Variants in DAB2IP observed in about 807,000 individuals in gnomAD.
DAB2IP encodes disabled homolog 2-interacting protein.
A neutral mutation model predicts 107.2 loss-of-function variants in DAB2IP; 28 were observed. The ratio of observed to expected loss-of-function variants is 0.26; its 90% CI spans 0.19 to 0.36. The LOEUF is 0.36. Ranked by LOEUF, DAB2IP falls within the 10% of genes least tolerant of loss-of-function variation. The pLI, the probability that DAB2IP is intolerant of heterozygous loss-of-function variation, is 1.00. For synonymous variants in DAB2IP, 755 were observed against 706.4 expected (o/e 1.07, Z -1.09); for missense variants, 1,400 against 1,644.7 (o/e 0.85, Z 2.57).
At chr9:121,706,886 G>A (rs779824938) in intron 3 of DAB2IP, among the ~76,000 whole-genome samples, 1 of 152,176 alleles carries the variant, frequency 6.6e-6, no homozygotes, top group Non-Finnish European at 1.5e-5. Context: ...CCACAGGGGC[G>A]ATGGGGTGAA....
chr9:121,579,324 A>AC (rs142125450), intron 1 of DAB2IP, among the ~76,000 whole-genome samples: 1,772 of 148,218 alleles, frequency 0.012, 28 homozygotes, highest in African/African-American at 0.039. Context: ...TCTCTCTCCT[A>AC]CCCCCCCACC....
At chr9:121,694,268 G>A (rs1217524601) in intron 2 of DAB2IP, among the ~76,000 whole-genome samples, 7 of 152,110 alleles carry the variant, frequency 4.6e-5, no homozygotes, top group South Asian at 2.1e-4. Flanking sequence ...TCCCAGCTCT[G>A]CCACTTTCAG....
chr9:121,761,166 G>C (rs1015625313), intron 6 of DAB2IP, among the ~76,000 whole-genome samples: 1 of 152,228 alleles, frequency 6.6e-6, no homozygotes, highest in Non-Finnish European at 1.5e-5. Context: ...GGACAAATGG[G>C]CTCCTGGACC....
At chr9:121,706,089 G>T (rs1219973186) in intron 3 of DAB2IP, among the ~76,000 whole-genome samples, 3 of 152,204 alleles carry the variant, frequency 2.0e-5, no homozygotes, top group African/African-American at 7.2e-5. Flanking sequence ...CCCTTGTGAT[G>T]ATTGGCTGTA....
intron 1 of DAB2IP, among the ~76,000 whole-genome samples, chr9:121,572,859 G>A (rs1829980537): frequency 6.6e-6 from 1 of 152,236 alleles, no homozygotes; most frequent in South Asian, 2.1e-4. Flanking sequence ...TCATGGAGGT[G>A]GAGCAGGCAG....
At chr9:121,567,346 T>C in intron 1 of DAB2IP, 1 of 1,495,510 alleles carries the variant, frequency 6.7e-7, no homozygotes, top group Non-Finnish European at 9.2e-7. Context: ...CTGGGCACTG[T>C]CTGGTCTTGG....
chr9:121,751,163 TC>T, intron 3 of DAB2IP: 1 of 170,988 alleles, frequency 5.8e-6, no homozygotes, highest in Non-Finnish European at 1.2e-5. Context: ...TGTGGACCTT[TC>T]CCCCTGCCCG....
intron 3 of DAB2IP, among the ~76,000 whole-genome samples, chr9:121,716,190 G>A (rs1177304478): frequency 1.3e-5 from 2 of 152,208 alleles, no homozygotes; most frequent in African/African-American, 4.8e-5. Context: ...GAGGGTCACA[G>A]GCCTCCAAGG....
At chr9:121,583,947 G>T (rs866207094) in intron 1 of DAB2IP, among the ~76,000 whole-genome samples, 7 of 152,180 alleles carry the variant, frequency 4.6e-5, no homozygotes, top group Admixed American at 2.0e-4. Flanking sequence ...GGGAGGCTGA[G>T]GTGGGAGGAT....
At chr9:121,630,283 C>T (rs983532567) in intron 1 of DAB2IP, among the ~76,000 whole-genome samples, 4 of 152,062 alleles carry the variant, frequency 2.6e-5, no homozygotes, top group African/African-American at 4.8e-5. Flanking sequence ...AAAAATATTT[C>T]GGGAGGTGGA....
chr9:121,668,907 C>CT (rs377320590), intron 1 of DAB2IP, among the ~76,000 whole-genome samples: 17,985 of 71,736 alleles, frequency 0.25, 1,733 homozygotes, highest in East Asian at 0.29. Flanking sequence ...GTAAGCCTTA[C>CT]TTTTTTTTTT....
In DAB2IP at chr9:121,751,403, T is replaced by C. The variant is rs138114917; in HGVS notation, c.363-5610T>C. 2.9e-3 allele frequency: 443 copies of C among 153,058 alleles called. 1 individual carries two copies. The highest frequency in any genetic ancestry group is 5.7e-3 in the African/African-American group (238 of 41,574). 9.5% of individuals were successfully genotyped at this position (153,058 alleles called of 1,614,324 possible). A position where few individuals can be genotyped will look rare whatever the true frequency, so the allele number is the denominator to read the frequency against. The stretch of plus-strand genomic sequence containing the variant: ...AGAATTAAGTGGAACAGGTGGGAGA[T>C]TGTGGCCCTGAGCCGGGCTTAGGTA... On this transcript the variant is annotated intron_variant, in intron 3 of 15. Coordinates refer to ENST00000408936, the Ensembl canonical transcript of DAB2IP.
chr9:121,752,132 AT>A, intron 3 of DAB2IP: 1 of 654,934 alleles, frequency 1.5e-6, no homozygotes, highest in South Asian at 6.8e-5. Context: ...GAAGCGGCCC[AT>A]ACTTGGACAG....
At chr9:121,672,980 C>G (rs1436775687) in intron 1 of DAB2IP, among the ~76,000 whole-genome samples, 3 of 152,220 alleles carry the variant, frequency 2.0e-5, no homozygotes, top group Non-Finnish European at 4.4e-5. Flanking sequence ...CCTAGGACCC[C>G]GAGGCTGAAT....
chr9:121,728,964 G>A (rs1489809956), intron 3 of DAB2IP, among the ~76,000 whole-genome samples: 1 of 152,132 alleles, frequency 6.6e-6, no homozygotes, highest in African/African-American at 2.4e-5. Context: ...GCCTGGTTGA[G>A]TTACATTATT....
At chr9:121,775,857 T>C (rs1835162499) in intron 13 of DAB2IP, among the ~76,000 whole-genome samples, 1 of 152,254 alleles carries the variant, frequency 6.6e-6, no homozygotes, top group Non-Finnish European at 1.5e-5. Flanking sequence ...ATGTCCTTCA[T>C]GTATCCAAGG....
At chr9:121,603,840 A>G (rs1830772966) in intron 1 of DAB2IP, among the ~76,000 whole-genome samples, 1 of 151,940 alleles carries the variant, frequency 6.6e-6, no homozygotes, top group Non-Finnish European at 1.5e-5. Flanking sequence ...CTGGGTTTCT[A>G]GGGAGAGGTA....
intron 1 of DAB2IP, among the ~76,000 whole-genome samples, chr9:121,660,915 G>T (rs111378833): frequency 6.6e-6 from 1 of 152,116 alleles, no homozygotes; most frequent in African/African-American, 2.4e-5. Context: ...TTCATTTATA[G>T]ACATTGAACT....
intron 1 of DAB2IP, among the ~76,000 whole-genome samples, chr9:121,627,633 C>T (rs371188992): frequency 1.4e-4 from 22 of 151,912 alleles, no homozygotes; most frequent in East Asian, 1.2e-3. Context: ...GTATGAAGAG[C>T]GGGGCTGGGC....
Sources: gnomAD v4.1 joint callset for allele counts (sites outside exome capture counted in the v4.1 genomes callset) on GRCh38, gnomAD v4.1.1 for gene constraint, MANE v1.5 for transcripts, NCBI Gene and HGNC (gene_info 2026-07-23, HGNC 2026-07-21) for gene names.